Variants in SPTAN1 observed in about 807,000 individuals in gnomAD.
SPTAN1 encodes the protein spectrin alpha chain, non-erythrocytic 1.
In SPTAN1, 61 loss-of-function variants were observed where a neutral mutation model predicts 331.3. The ratio of observed to expected loss-of-function variants is 0.18; its 90% CI spans 0.15 to 0.23. The LOEUF (loss-of-function observed/expected upper bound fraction) is 0.23. Ranked by LOEUF, SPTAN1 falls within the 10% of genes least tolerant of loss-of-function variation. The pLI is 1.00. For synonymous variants in SPTAN1, 1,153 were observed against 1,173.9 expected, an observed-to-expected ratio of 0.98 and a Z score of 0.36; for missense variants, 2,043 against 3,147.9, an observed-to-expected ratio of 0.65 and a Z score of 8.40.
rs762618494 is a variant in SPTAN1 at position 128,584,381 on chromosome 9, C to T, written c.2293C>T (p.Arg765Cys). 2 of 1,614,148 alleles carry T rather than the reference C, an allele frequency of 1.2e-6. No homozygotes were observed. Among genetic ancestry groups the T allele is most frequent in the Admixed American group, 1.7e-5 (1 of 60,002 alleles). The change falls in exon 17 of 57, where the codon CGC becomes TGC. Residue 765 changes from arginine (R) to cysteine (C), a missense_variant. Arg to Cys is a radical substitution (Grantham distance 180, BLOSUM62 -3). This residue lies in a region of SPTAN1 where 1,038 missense variants were observed against 1,531.5 expected (regional missense o/e 0.68). Coordinates refer to ENST00000372739, the MANE Select transcript of SPTAN1 (RefSeq NM_001130438.3). ...IKKKQEALVA[R>C]YEALKEPMVA... ...GAAGAAACAGGAAGCCCTCGTGGCT[C>T]GCTATGAGGCACTCAAGGAGCCCAT...
At position 128,568,838 on chromosome 9, in the gene SPTAN1, C is replaced by G; in HGVS notation, c.304C>G (p.Leu102Val). ...GGCCAACTCAGGAGCCATTGTTAAG[C>G]TGGATGAAACTGGAAACCTGATGAT... is the stretch of plus-strand genomic sequence containing the variant. Reference protein sequence around the residue: ...VQANSGAIVKLDETGNLMISE... With the variant: ...VQANSGAIVKVDETGNLMISE... The change falls in exon 3 of 57, where the codon CTG (leucine) becomes GTG (valine). Residue 102 changes from leucine to valine, a missense_variant. Coordinates refer to ENST00000372739, the MANE Select transcript of SPTAN1 (RefSeq NM_001130438.3). 6.2e-7 allele frequency: 1 copy of G among 1,614,156 alleles called. No homozygotes were observed. Among genetic ancestry groups the G allele is most frequent in the Non-Finnish European group, 8.5e-7 (1 of 1,180,004 alleles).
intron 1 of SPTAN1, among the ~76,000 whole-genome samples, chr9:128,564,420 G>GAA (rs112177902): frequency 7.7e-4 from 104 of 134,552 alleles, no homozygotes; most frequent in African/African-American, 2.8e-3. Flanking sequence ...GTCCTTCTCA[G>GAA]AAAAAAAAAA....
chr9:128,555,243 G>T, intron 1 of SPTAN1: 1 of 779,132 alleles, frequency 1.3e-6, no homozygotes, highest in South Asian at 1.6e-5. Context: ...TCTGAAATTG[G>T]ATTTTTAATC....
In SPTAN1 at chr9:128,632,186, G is replaced by A; in HGVS notation, c.6822G>A (p.Gly2274=). Residue 2274 remains glycine, a synonymous_variant, in exon 53 of 57, where the codon GGG becomes GGA. Coordinates refer to ENST00000372739, the MANE Select transcript of SPTAN1 (RefSeq NM_001130438.3). ...RSQLKKIEDL[G]AAMEEALILD... ...AGCTCAAAAAGATCGAGGACCTGGG[G>A]GCCGCCATGGAGGAGGCCCTCATCC... is the stretch of plus-strand genomic sequence containing the variant. The A allele has an allele frequency of 6.2e-7, 1 of 1,613,508 alleles. No homozygotes were observed. The highest frequency in any genetic ancestry group is 8.5e-7 in the Non-Finnish European group (1 of 1,180,030).
intron 1 of SPTAN1, chr9:128,555,549 G>A (rs1487985761): frequency 2.2e-6 from 1 of 451,682 alleles, no homozygotes; most frequent in Non-Finnish European, 3.3e-6. Flanking sequence ...AAATTGGTTA[G>A]GATTTGTTTG....
chr9:128,625,224 T>C lies in SPTAN1; in HGVS notation c.6069+45T>C. 1 of 1,584,812 alleles carries C rather than the reference T, an allele frequency of 6.3e-7. No individual in the cohort carries two copies. The highest frequency in any genetic ancestry group is 8.7e-7 in the Non-Finnish European group (1 of 1,153,700). On this transcript the variant is annotated intron_variant, in intron 47 of 56. Transcript: ENST00000372739. The surrounding 1 kb of genome is among the most constrained non-coding windows in gnomAD (Gnocchi z 4.1). ...CTGGTTGAAATGTATGCAGATAGCA[T>C]CTGTGAGATGACTGGTGGCGTCTTT...
At chr9:128,580,305 T>A in intron 10 of SPTAN1, among the ~76,000 whole-genome samples, 1 of 150,592 alleles carries the variant, frequency 6.6e-6, no homozygotes, top group East Asian at 1.9e-4. Context: ...TAAATAAAAA[T>A]AAAATATGTA....
In SPTAN1 at chr9:128,625,899, T is replaced by C; in HGVS notation, c.6200T>C (p.Met2067Thr). 1 of 1,614,150 alleles carries C rather than the reference T, an allele frequency of 6.2e-7. No individual in the cohort carries two copies. Among genetic ancestry groups the C allele is most frequent in the Non-Finnish European group, 8.5e-7 (1 of 1,180,032 alleles). ...ATCGAGGCCCGGCACGCCTCCCTCA[T>C]GAAGAGGTGGAGCCAGCTTCTGGCC... ...KAIEARHASLMKRWSQLLANS... is the reference protein window; with the variant it reads ...KAIEARHASLTKRWSQLLANS... Residue 2067 changes from methionine to threonine, a missense_variant, in exon 48 of 57, where the codon ATG becomes ACG. Coordinates refer to ENST00000372739, the MANE Select transcript of SPTAN1 (RefSeq NM_001130438.3). The surrounding 1 kb of genome is among the most constrained non-coding windows in gnomAD (Gnocchi z 4.1).
intron 34 of SPTAN1, 79 bp from the exon 35 acceptor site, chr9:128,608,795 A>T: frequency 2.2e-6 from 3 of 1,373,768 alleles, no homozygotes; most frequent in Non-Finnish European, 3.1e-6. Context: ...CAAAATAACT[A>T]TCCTTTTCTC....
At chr9:128,554,224 C>T (rs544981004) in intron 1 of SPTAN1, among the ~76,000 whole-genome samples, 1 of 152,244 alleles carries the variant, frequency 6.6e-6, no homozygotes, top group South Asian at 2.1e-4. Context: ...GATGGAGAGA[C>T]TGGAAAGGAG....
At chr9:128,578,356 G>C (rs1012207232) in intron 9 of SPTAN1, 111 bp downstream of exon 9, 3 of 1,449,258 alleles carry the variant, frequency 2.1e-6, no homozygotes, top group East Asian at 2.3e-5. Context: ...TTATTCACAG[G>C]TGTTTCTCAT....
In SPTAN1 at chr9:128,632,120, C is replaced by A; in HGVS notation, c.6763-7C>A. On this transcript the variant is annotated splice_region_variant and splice_polypyrimidine_tract_variant and intron_variant, in intron 52 of 56. Transcript: ENST00000372739. Reference sequence around the variant, plus strand: ...CGTCTGAGCATCTGTGCTCCCCACCCCTGCAGCGCAAGCACCAGGAAATCC... The same window carrying A: ...CGTCTGAGCATCTGTGCTCCCCACCACTGCAGCGCAAGCACCAGGAAATCC... 6.2e-7 allele frequency: 1 copy of A among 1,612,898 alleles called. No individual in the cohort carries two copies. Among genetic ancestry groups the A allele is most frequent in the Non-Finnish European group, 8.5e-7 (1 of 1,179,888 alleles).
chr9:128,589,227 C>G (rs1589236205), intron 21 of SPTAN1, among the ~76,000 whole-genome samples: 1 of 151,812 alleles, frequency 6.6e-6, no homozygotes, highest in Non-Finnish European at 1.5e-5. Flanking sequence ...TTTGTCCTGT[C>G]AAGCCAAAGT....
intron 29 of SPTAN1, among the ~76,000 whole-genome samples, 176 bp from the exon 30 acceptor site, chr9:128,604,858 T>G (rs1470604036): frequency 6.6e-6 from 1 of 151,910 alleles, no homozygotes; most frequent in Non-Finnish European, 1.5e-5. Flanking sequence ...TTGAACCCGG[T>G]GGGGGCGGAG....
chr9:128,614,432 AAT>A (rs1365702084), intron 40 of SPTAN1, among the ~76,000 whole-genome samples: 13 of 151,496 alleles, frequency 8.6e-5, no homozygotes, highest in African/African-American at 3.2e-4. Context: ...TTTCTACTGA[AAT>A]ACAAAAAATT....
chr9:128,630,558 ATCTC>A (rs1564326192), intron 52 of SPTAN1, 183 bp downstream of exon 52: 27 of 607,536 alleles, frequency 4.4e-5, no homozygotes, highest in East Asian at 3.2e-4. Context: ...TCTTCATGGA[ATCTC>A]TCTCTCGCCC....
intron 5 of SPTAN1, among the ~76,000 whole-genome samples, chr9:128,576,046 A>G (rs993695503): frequency 6.6e-6 from 1 of 152,164 alleles, no homozygotes; most frequent in African/African-American, 2.4e-5. Flanking sequence ...ATTCCTCAGA[A>G]ATATCTCACC....
chr9:128,609,464 C>T (rs1457099440), intron 36 of SPTAN1, 180 bp downstream of exon 36: 1 of 1,082,454 alleles, frequency 9.2e-7, no homozygotes. Flanking sequence ...TAAAAGTTGC[C>T]TTCCTCATTT....
chr9:128,631,064 G>A (rs1313946710), intron 52 of SPTAN1, among the ~76,000 whole-genome samples: 1 of 152,010 alleles, frequency 6.6e-6, no homozygotes, highest in Non-Finnish European at 1.5e-5. Context: ...AGGCCGGTCT[G>A]GAACTCCTGA....
Sources: gnomAD v4.1 joint callset for allele counts (sites outside exome capture counted in the v4.1 genomes callset) on GRCh38, gnomAD v4.1.1 for gene constraint, gnomAD v4.1.1 regional missense constraint, Gnocchi (gnomAD v3.1) non-coding constraint, MANE v1.5 for transcripts, NCBI Gene and HGNC (gene_info 2026-07-23, HGNC 2026-07-21) for gene names.